CYLC1: variants seen among roughly 807,000 people sequenced by gnomAD.
CYLC1 encodes the protein cylicin 1.
In CYLC1, 2 loss-of-function variants were observed where a neutral mutation model predicts 31.6. That is an observed-to-expected ratio of 0.06 (90% CI 0.03 to 0.20). CYLC1 has a LOEUF of 0.20. Among genes scored for constraint, CYLC1 ranks in the 10% least tolerant of loss-of-function variants. CYLC1 has a pLI of 1.00. For missense variants in CYLC1, 595 were observed against 424.1 expected (o/e 1.40, Z -3.54); for synonymous variants, 185 against 153.0 (o/e 1.21, Z -1.54).
chrX:83,866,869 C>G (rs1189421949), intron 1 of CYLC1, among the ~76,000 whole-genome samples: 1 of 111,192 alleles, frequency 9.0e-6, no homozygotes, highest in Non-Finnish European at 1.9e-5. Context: ...TAATTAAGTC[C>G]TGGTGATTGT....
chrX:83,874,212 A>G lies in CYLC1; in HGVS notation c.1504A>G (p.Lys502Glu). 3 of 1,206,672 alleles carry G rather than the reference A, an allele frequency of 2.5e-6. No individual in the cohort carries two copies. The highest frequency in any genetic ancestry group is 3.4e-6 in the Non-Finnish European group (3 of 892,142). Residue 502 changes from lysine to glutamate, a missense_variant, in exon 4 of 5, where the codon AAG becomes GAG. By Grantham distance (56) the Lys-to-Glu change is moderately conservative. Coordinates refer to ENST00000329312, the MANE Select transcript of CYLC1 (RefSeq NM_021118.3). ...LKKDKKHSKEKKGSKKDIKKD... is the reference protein window; with the variant it reads ...LKKDKKHSKEEKGSKKDIKKD... The stretch of plus-strand genomic sequence containing the variant: ...GAAGGACAAGAAACACTCAAAGGAA[A>G]AGAAAGGTTCAAAGAAAGATATCAA...
chrX:83,873,281 C>T lies in CYLC1; in HGVS notation c.573C>T (p.Val191=). 8.3e-7 allele frequency: 1 copy of T among 1,201,625 alleles called. No individual in the cohort carries two copies. Among genetic ancestry groups the T allele is most frequent in the Non-Finnish European group, 1.1e-6 (1 of 891,038 alleles). Reference sequence around the variant, plus strand: ...CAGAATCCCAAAATTCTAAGACAGTCTCAAAAAATTGTTCACAAAAAGATA... The same window carrying T: ...CAGAATCCCAAAATTCTAAGACAGTTTCAAAAAATTGTTCACAAAAAGATA... ...TNPESQNSKT[V]SKNCSQKDKK... is the part of the protein sequence containing the mutation. The change falls in exon 4 of 5, where the codon GTC becomes GTT. Residue 191 remains valine (V), a synonymous_variant. Transcript: ENST00000329312.
chrX:83,868,895 C>G (rs2031627367), intron 1 of CYLC1, among the ~76,000 whole-genome samples: 2 of 110,401 alleles, frequency 1.8e-5, no homozygotes, highest in South Asian at 7.5e-4. Context: ...CATATAAAAG[C>G]TAGAATCACT....
intron 4 of CYLC1, among the ~76,000 whole-genome samples, chrX:83,879,358 GGA>G (rs200507176): frequency 0.056 from 6,088 of 109,665 alleles, 417 homozygotes; most frequent in African/African-American, 0.19. Context: ...ATGTAAGGAG[GGA>G]GAGAGAGAGG....
chrX:83,863,560 T>C (rs762127773), intron 1 of CYLC1, among the ~76,000 whole-genome samples: 19 of 111,477 alleles, frequency 1.7e-4, no homozygotes, highest in Non-Finnish European at 2.4e-4. Context: ...TTTAAACCTC[T>C]AATCATGCCA....
intron 4 of CYLC1, among the ~76,000 whole-genome samples, chrX:83,876,109 C>A (rs1436514664): frequency 9.0e-6 from 1 of 110,668 alleles, no homozygotes; most frequent in Admixed American, 9.7e-5. Context: ...TAAAACTTTA[C>A]ATATGTACAT....
At position 83,873,321 on chromosome X, in the gene CYLC1, A is replaced by G; in HGVS notation, c.613A>G (p.Asn205Asp). The G allele has an allele frequency of 8.3e-7, 1 of 1,203,578 alleles. No individual in the cohort carries two copies. Among genetic ancestry groups the G allele is most frequent in the Non-Finnish European group, 1.1e-6 (1 of 891,400 alleles). ...ACAAAAAGATAAGAAAGATTCAAAG[A>G]ATTCCAAGAAGACAAACACTGAATT... ...CSQKDKKDSKNSKKTNTEFLH... is the reference protein window; with the variant it reads ...CSQKDKKDSKDSKKTNTEFLH... The change falls in exon 4 of 5, where the codon AAT becomes GAT. Residue 205 changes from asparagine to aspartate, a missense_variant. Coordinates refer to ENST00000329312, the MANE Select transcript of CYLC1 (RefSeq NM_021118.3).
rs1334070595 is a variant in CYLC1, at chrX:83,886,560, A to T, written c.1932A>T (p.Ala644=). The T allele has an allele frequency of 8.3e-7, 1 of 1,209,199 alleles. No individual in the cohort carries two copies. Among genetic ancestry groups the T allele is most frequent in the East Asian group, 3.0e-5 (1 of 33,804 alleles). ...PKPRYAPLPE[A]PWIHKLL ...TCTACTTTGCTCCTCAGCCTGAAGCACCGTGGATTCATAAGCTGCTTTAAA... is the reference window on the plus strand; with the variant it reads ...TCTACTTTGCTCCTCAGCCTGAAGCTCCGTGGATTCATAAGCTGCTTTAAA... Residue 644 remains alanine (A), a synonymous_variant, in exon 5 of 5, where the codon GCA becomes GCT. Transcript: ENST00000329312.
chrX:83,867,999 T>C (rs993371167), intron 1 of CYLC1, among the ~76,000 whole-genome samples: 6 of 110,951 alleles, frequency 5.4e-5, no homozygotes, highest in African/African-American at 2.0e-4. Context: ...GAAATAAAGT[T>C]TAAAGAAAAA....
At chrX:83,867,429 C>A (rs2147777516) in intron 1 of CYLC1, among the ~76,000 whole-genome samples, 1 of 111,710 alleles carries the variant, frequency 9.0e-6, no homozygotes, top group African/African-American at 3.2e-5. Context: ...TATTAATTTT[C>A]TATTGTTGTT....
At position 83,873,533 on chromosome X, in the gene CYLC1, T is replaced by A; in HGVS notation, c.825T>A (p.Asn275Lys). 1 of 1,199,029 alleles carries A rather than the reference T, an allele frequency of 8.3e-7. No individual in the cohort carries two copies. The highest frequency in any genetic ancestry group is 1.1e-6 in the Non-Finnish European group (1 of 887,710). ...ATTACTCACAGAATAATTCAAAGAA[T>A]TATTCTTTGAAGTATACAAAGTATA... Reference protein sequence around the residue: ...LRNYSQNNSKNYSLKYTKYTK... With the variant: ...LRNYSQNNSKKYSLKYTKYTK... Residue 275 changes from asparagine to lysine, a missense_variant, in exon 4 of 5, where the codon AAT (asparagine) becomes AAA (lysine). Coordinates refer to ENST00000329312, the MANE Select transcript of CYLC1 (RefSeq NM_021118.3).
At chrX:83,877,630 C>G (rs966984201) in intron 4 of CYLC1, among the ~76,000 whole-genome samples, 3 of 106,967 alleles carry the variant, frequency 2.8e-5, no homozygotes, top group Non-Finnish European at 5.8e-5. Context: ...CTTTGCATGT[C>G]TATTCCTTTT....
chrX:83,877,877 C>CATAT lies in CYLC1; in HGVS notation c.1923+3262_1923+3265dup, dbSNP rs763314367. Among the ~76,000 whole-genome samples the CATAT allele has an allele frequency of 3.8e-3, 220 of 57,387 alleles. 9 individuals are homozygous for CATAT. Among genetic ancestry groups the CATAT allele is most frequent in the South Asian group, 0.011 (11 of 958 alleles). The allele number at this position is 57,387 out of a possible 115,157, so 49.8% of individuals were successfully genotyped here. ...AGGCAGTGAATCTAGCCTGTTTTTT[C>CATAT]ATATATATATATATATATACAAATA... On this transcript the variant is annotated intron_variant, in intron 4 of 4. Transcript: ENST00000329312.
intron 4 of CYLC1, among the ~76,000 whole-genome samples, chrX:83,879,970 A>C (rs1354477637): frequency 1.8e-5 from 2 of 111,897 alleles, no homozygotes; most frequent in Admixed American, 9.5e-5. Context: ...ATTCTCCTAA[A>C]TGCTAGTTTG....
chrX:83,869,940 A>C, intron 2 of CYLC1, 35 bp downstream of exon 2: 2 of 752,681 alleles, frequency 2.7e-6, no homozygotes, highest in Non-Finnish European at 3.5e-6. Flanking sequence ...AATATTTCTT[A>C]GATTGGAAAA....
Position 83,874,134 on chromosome X carries a change from G to A in CYLC1, c.1426G>A (p.Asp476Asn). The A allele has an allele frequency of 1.3e-5, 16 of 1,202,210 alleles. No individual in the cohort carries two copies. The highest frequency in any genetic ancestry group is 1.8e-5 in the Non-Finnish European group (16 of 891,635). ...KDSKKDDKKK[D>N]AKKNAESTEM... Reference sequence around the variant, plus strand: ...TTCAAAGAAAGATGACAAAAAGAAGGATGCAAAGAAAAATGCAGAATCTAC... The same window carrying A: ...TTCAAAGAAAGATGACAAAAAGAAGAATGCAAAGAAAAATGCAGAATCTAC... The change falls in exon 4 of 5, where the codon GAT becomes AAT. Residue 476 changes from aspartate to asparagine, a missense_variant. Physicochemically the swap from Asp to Asn is conservative, Grantham distance 23. Transcript: ENST00000329312.
At chrX:83,885,416 A>T (rs753197186) in intron 4 of CYLC1, among the ~76,000 whole-genome samples, 1 of 110,286 alleles carries the variant, frequency 9.1e-6, no homozygotes, top group East Asian at 2.8e-4. Flanking sequence ...ATTGACGATG[A>T]TTAGTAATCA....
In CYLC1 at chrX:83,874,349, G is replaced by A. The variant is rs1177654930; in HGVS notation, c.1641G>A (p.Glu547=). The change falls in exon 4 of 5, where the codon GAG becomes GAA. Residue 547 remains glutamate, a synonymous_variant. Transcript: ENST00000329312. The part of the protein sequence containing the change: ...KIKGSDTESE[E]SLYKPGAKKK... The stretch of plus-strand genomic sequence containing the variant: ...AAGGTTCAGATACTGAATCTGAAGA[G>A]TCACTATATAAACCTGGGGCTAAGA... 8.3e-7 allele frequency: 1 copy of A among 1,209,022 alleles called. No homozygotes were observed. Among genetic ancestry groups the A allele is most frequent in the Non-Finnish European group, 1.1e-6 (1 of 893,548 alleles).
intron 3 of CYLC1, among the ~76,000 whole-genome samples, chrX:83,872,308 T>C (rs2031676672): frequency 1.8e-5 from 2 of 110,503 alleles, no homozygotes; most frequent in South Asian, 7.5e-4. Flanking sequence ...CACAAGTTAA[T>C]GTGAATCAAG....
Sources: allele counts gnomAD v4.1 joint callset (sites outside exome capture counted in the v4.1 genomes callset), GRCh38; gene constraint gnomAD v4.1.1; transcripts MANE v1.5; gene names NCBI Gene and HGNC (gene_info 2026-07-23, HGNC 2026-07-21).